Variants in PLXDC1 observed in about 807,000 individuals in gnomAD.
PLXDC1 encodes plexin domain-containing protein 1.
A neutral mutation model predicts 61.3 loss-of-function variants in PLXDC1; 39 were observed. That is an observed-to-expected ratio of 0.64 (90% CI 0.49 to 0.83). The LOEUF is 0.83. Among genes scored for constraint, PLXDC1 ranks in the 40% least tolerant of loss-of-function variants. PLXDC1 has a pLI of 0.00. For synonymous variants in PLXDC1, 212 were observed against 254.5 expected (o/e 0.83, Z 1.59); for missense variants, 596 against 666.5 (o/e 0.89, Z 1.17).
intron 2 of PLXDC1, among the ~76,000 whole-genome samples, chr17:39,138,481 C>T (rs1911825604): frequency 6.6e-6 from 1 of 152,172 alleles, no homozygotes; most frequent in South Asian, 2.1e-4. Context: ...TGAAAGGTTG[C>T]TCAGCGGGAG....
chr17:39,130,894 A>G (rs1319347376), intron 2 of PLXDC1, among the ~76,000 whole-genome samples: 1 of 152,074 alleles, frequency 6.6e-6, no homozygotes, highest in Non-Finnish European at 1.5e-5. Context: ...TGTGAATTTC[A>G]TCTCAACAAA....
At position 39,063,530 on chromosome 17, in the gene PLXDC1, CA is replaced by C. The variant is rs1408071666; in HGVS notation, c.*4309del. Reference sequence around the variant, plus strand: ...TCTCAGCGAAGAAGTCGGAGTTCAGCAGCCATCAGAACCAAGGTATGTGTGG... The same window carrying C: ...TCTCAGCGAAGAAGTCGGAGTTCAGCGCCATCAGAACCAAGGTATGTGTGG... On this transcript the variant is annotated 3_prime_UTR_variant, in exon 14 of 14. Coordinates refer to ENST00000315392, the MANE Select transcript of PLXDC1 (RefSeq NM_020405.5). 1.4e-6 allele frequency: 1 copy of C among 702,814 alleles called. No individual in the cohort carries two copies. The highest frequency in any genetic ancestry group is 2.6e-6 in the Non-Finnish European group (1 of 384,938). The allele number at this position is 702,814 out of a possible 1,614,324, so 43.5% of individuals were successfully genotyped here.
intron 6 of PLXDC1, among the ~76,000 whole-genome samples, chr17:39,106,941 C>T (rs908817702): frequency 4.6e-5 from 7 of 152,174 alleles, no homozygotes; most frequent in South Asian, 2.1e-4. Flanking sequence ...TGTGAGCCAC[C>T]GCACCTGGCC....
At chr17:39,142,494 TCTC>T (rs1911966743) in intron 1 of PLXDC1, among the ~76,000 whole-genome samples, 2 of 152,284 alleles carry the variant, frequency 1.3e-5, no homozygotes, top group African/African-American at 4.8e-5. Flanking sequence ...GGTTCCATGA[TCTC>T]CTCTCCAGTT....
chr17:39,077,441 C>A (rs894613813), intron 11 of PLXDC1, among the ~76,000 whole-genome samples: 1 of 152,166 alleles, frequency 6.6e-6, no homozygotes, highest in African/African-American at 2.4e-5. Context: ...AATTCCCCAT[C>A]CATCACTCCA....
At chr17:39,147,150 G>T (rs1046549851) in intron 1 of PLXDC1, among the ~76,000 whole-genome samples, 4 of 151,924 alleles carry the variant, frequency 2.6e-5, no homozygotes, top group Non-Finnish European at 5.9e-5. Context: ...TAGAGACAGG[G>T]TTTCACCATA....
intron 12 of PLXDC1, 62 bp from the exon 13 acceptor site, chr17:39,070,078 G>A: frequency 1.5e-6 from 2 of 1,310,646 alleles, no homozygotes; most frequent in Non-Finnish European, 2.2e-6. Flanking sequence ...CGAACCATGG[G>A]GTCTTGGGTT....
intron 4 of PLXDC1, among the ~76,000 whole-genome samples, chr17:39,108,548 A>G (rs1910678643): frequency 6.6e-6 from 1 of 152,154 alleles, no homozygotes; most frequent in African/African-American, 2.4e-5. Flanking sequence ...ACTGAAGTGC[A>G]GGGATTAAAG....
chr17:39,108,304 G>A, intron 4 of PLXDC1, 59 bp from the exon 5 acceptor site: 6 of 1,593,224 alleles, frequency 3.8e-6, no homozygotes, highest in Non-Finnish European at 4.3e-6. Context: ...CCGCTTTGGG[G>A]GCCTTTTCCC....
intron 7 of PLXDC1, among the ~76,000 whole-genome samples, chr17:39,100,337 G>A (rs747301917): frequency 3.9e-5 from 6 of 152,116 alleles, no homozygotes; most frequent in Non-Finnish European, 5.9e-5. Flanking sequence ...CTCACTGCAA[G>A]CTCCGCCCCT....
chr17:39,096,703 T>C (rs888901968), intron 7 of PLXDC1, among the ~76,000 whole-genome samples: 7 of 152,236 alleles, frequency 4.6e-5, no homozygotes, highest in Non-Finnish European at 8.8e-5. Flanking sequence ...TGGAGCTCTT[T>C]GTAAGAAAAT....
At chr17:39,073,869 C>T (rs2143275057) in intron 11 of PLXDC1, among the ~76,000 whole-genome samples, 1 of 152,314 alleles carries the variant, frequency 6.6e-6, no homozygotes, top group East Asian at 1.9e-4. Context: ...GGCTTTGTGA[C>T]AGCTACTTGC....
At chr17:39,114,806 G>A (rs1032016319) in intron 2 of PLXDC1, among the ~76,000 whole-genome samples, 1 of 152,204 alleles carries the variant, frequency 6.6e-6, no homozygotes, top group African/African-American at 2.4e-5. Context: ...GCGGGCCAGT[G>A]TTTAAGACGG....
At chr17:39,135,278 T>C (rs529421187) in intron 2 of PLXDC1, among the ~76,000 whole-genome samples, 1 of 152,218 alleles carries the variant, frequency 6.6e-6, no homozygotes, top group Non-Finnish European at 1.5e-5. Flanking sequence ...GGACCCTCGA[T>C]GTGTAGCTGC....
At chr17:39,126,152 G>A (rs1245094162) in intron 2 of PLXDC1, among the ~76,000 whole-genome samples, 1 of 152,140 alleles carries the variant, frequency 6.6e-6, no homozygotes, top group Non-Finnish European at 1.5e-5. Context: ...TACTTGGGAG[G>A]CTGAGGCAGG....
At chr17:39,140,199 C>A (rs147265734) in intron 1 of PLXDC1, among the ~76,000 whole-genome samples, 47 of 152,340 alleles carry the variant, frequency 3.1e-4, no homozygotes, top group African/African-American at 1.1e-3. Flanking sequence ...TCAACCTCAG[C>A]TATACACTGG....
chr17:39,069,820 G>C (rs1362305484), intron 13 of PLXDC1, 36 bp downstream of exon 13: 1 of 1,578,140 alleles, frequency 6.3e-7, no homozygotes, highest in African/African-American at 1.3e-5. Flanking sequence ...CGACGCAGAA[G>C]CAGACAGGAG....
At position 39,067,959 on chromosome 17, in the gene PLXDC1, G is replaced by A. The variant is rs749050462; in HGVS notation, c.1384C>T (p.Arg462Cys). 24 of 1,613,382 alleles carry A rather than the reference G, an allele frequency of 1.5e-5. No homozygotes were observed. Among genetic ancestry groups the A allele is most frequent in the African/African-American group, 4.0e-5 (3 of 74,904 alleles). ...ATGGCTGGCCAGTGGTGAGGTCTAC[G>A]CTGCAGAAGGCACAGAGGCAAAGTC... The part of the protein sequence containing the change: ...TSNAALFFIE[R>C]RPHHWPAMKF... The change falls in exon 14 of 14, where the codon CGT (arginine) becomes TGT (cysteine). Residue 462 changes from arginine to cysteine, a missense_variant and splice_region_variant. Arg to Cys is a radical substitution (Grantham distance 180, BLOSUM62 -3). Transcript: ENST00000315392.
chr17:39,152,785 G>C, upstream of PLXDC1: 3 of 672,526 alleles, frequency 4.5e-6, no homozygotes, highest in Non-Finnish European at 4.1e-6. Flanking sequence ...AAAAAAAAAA[G>C]AAAAGAAAAG....
Sources: allele counts gnomAD v4.1 joint callset (sites outside exome capture counted in the v4.1 genomes callset), GRCh38; gene constraint gnomAD v4.1.1; transcripts MANE v1.5; gene names NCBI Gene and HGNC (gene_info 2026-07-23, HGNC 2026-07-21).